The following TSNARE1 variants were observed in gnomAD, a reference collection of about 807,000 sequenced individuals.
The protein encoded by TSNARE1 is t-SNARE domain containing 1, also known as t-SNARE domain-containing protein 1.
A neutral mutation model predicts 62.0 loss-of-function variants in TSNARE1; 49 were observed. The ratio of observed to expected loss-of-function variants is 0.79; its 90% CI spans 0.63 to 1.00. The LOEUF is 1.00. TSNARE1 is among the 50% of genes least tolerant of loss of function. The pLI is 0.00. For missense variants in TSNARE1, 755 were observed against 700.1 expected, an observed-to-expected ratio of 1.08 and a Z score of -0.88; for synonymous variants, 328 against 294.4, an observed-to-expected ratio of 1.11 and a Z score of -1.17.
intron 6 of TSNARE1, among the ~76,000 whole-genome samples, chr8:142,321,214 C>T (rs181994812): frequency 7.9e-5 from 12 of 152,224 alleles, no homozygotes; most frequent in Admixed American, 3.3e-4. Context: ...CCATGATGCT[C>T]GTCCCAATAA....
intron 1 of TSNARE1, among the ~76,000 whole-genome samples, chr8:142,397,778 A>C (rs1163908163): frequency 6.6e-6 from 1 of 152,098 alleles, no homozygotes; most frequent in Non-Finnish European, 1.5e-5. Context: ...CAGTCCACTC[A>C]GCTGCGTGGC....
chr8:142,394,295 G>T (rs1837744442), intron 1 of TSNARE1, among the ~76,000 whole-genome samples: 1 of 152,242 alleles, frequency 6.6e-6, no homozygotes, highest in South Asian at 2.1e-4. Context: ...GAACCAGGGT[G>T]TGGGCACCCC....
intron 7 of TSNARE1, among the ~76,000 whole-genome samples, chr8:142,316,985 T>C (rs1001385375): frequency 1.3e-5 from 2 of 152,026 alleles, no homozygotes; most frequent in Admixed American, 6.6e-5. Context: ...AGAGCAACTA[T>C]GGGCAGCACC....
chr8:142,363,136 G>C (rs1476926825), intron 1 of TSNARE1, among the ~76,000 whole-genome samples: 1 of 152,178 alleles, frequency 6.6e-6, no homozygotes, highest in East Asian at 1.9e-4. Flanking sequence ...GGCTGTGTGA[G>C]GGCTGTGGCT....
chr8:142,307,716 G>A lies in TSNARE1; in HGVS notation c.1131+6668C>T, dbSNP rs376520095. On this transcript the variant is annotated intron_variant, in intron 9 of 13. Coordinates refer to ENST00000524325, the MANE Select transcript of TSNARE1 (RefSeq NM_145003.5). The stretch of plus-strand genomic sequence containing the variant: ...CCATGGATGTGAAACTCATGGATAC[G>A]AAGGGCCAACTGAATATGCATGTCT... Among the ~76,000 whole-genome samples, 180 of 152,296 alleles carry A rather than the reference G, an allele frequency of 1.2e-3. 1 individual carries two copies. Among genetic ancestry groups the A allele is most frequent in the African/African-American group, 4.1e-3 (169 of 41,558 alleles).
intron 12 of TSNARE1, chr8:142,274,323 G>A: frequency 1.0e-6 from 1 of 985,414 alleles, no homozygotes; most frequent in Non-Finnish European, 1.2e-6. Context: ...AGTCCTCAAG[G>A]TAGCTCCAAG....
intron 1 of TSNARE1, among the ~76,000 whole-genome samples, chr8:142,376,104 T>C (rs559379941): frequency 2.6e-4 from 39 of 152,352 alleles, no homozygotes; most frequent in African/African-American, 8.9e-4. Flanking sequence ...CTCCCTGACC[T>C]GCGTGCAACC....
chr8:142,350,883 C>T (rs1023691060), intron 2 of TSNARE1, among the ~76,000 whole-genome samples: 3 of 152,148 alleles, frequency 2.0e-5, no homozygotes, highest in Non-Finnish European at 4.4e-5. Flanking sequence ...GAAGGAGGAG[C>T]ATAGGTCAGC....
intron 8 of TSNARE1, 88 bp from the exon 9 acceptor site, chr8:142,314,528 T>C: frequency 8.6e-7 from 1 of 1,161,188 alleles, no homozygotes; most frequent in Non-Finnish European, 1.2e-6. Flanking sequence ...TGCAGGGCTC[T>C]GGACGACGGT....
chr8:142,233,886 A>G (rs4325022), intron 12 of TSNARE1, among the ~76,000 whole-genome samples: 81,004 of 151,938 alleles, frequency 0.53, 22,657 homozygotes, highest in African/African-American at 0.69. Flanking sequence ...GTACAGAACC[A>G]GCCACTGCAC....
chr8:142,313,534 T>C (rs1827994483), intron 9 of TSNARE1, among the ~76,000 whole-genome samples: 1 of 152,192 alleles, frequency 6.6e-6, no homozygotes, highest in South Asian at 2.1e-4. Context: ...TTTATCTGCA[T>C]GGGTCTGCAT....
At chr8:142,350,192 C>T (rs1446373406) in intron 2 of TSNARE1, among the ~76,000 whole-genome samples, 2 of 125,176 alleles carry the variant, frequency 1.6e-5, no homozygotes, top group South Asian at 5.6e-4. Context: ...GGGACCTCGG[C>T]AGGCAGGGCT....
chr8:142,341,231 A>T (rs1252108707), intron 4 of TSNARE1, among the ~76,000 whole-genome samples: 1 of 152,188 alleles, frequency 6.6e-6, no homozygotes, highest in African/African-American at 2.4e-5. Flanking sequence ...GGACATTGAG[A>T]GTGCCCTCAA....
intron 6 of TSNARE1, among the ~76,000 whole-genome samples, chr8:142,322,120 A>G (rs563280412): frequency 9.3e-4 from 141 of 152,380 alleles, no homozygotes; most frequent in African/African-American, 2.2e-3. Context: ...TGTAATTCTC[A>G]TATCAACAGA....
In TSNARE1 at chr8:142,274,686, AG is replaced by A. The variant is rs1008003389; in HGVS notation, c.1446+94del. 1.1e-5 allele frequency: 15 copies of A among 1,382,786 alleles called. 1 individual carries two copies. In the Admixed American group the frequency reaches 1.5e-4, roughly 14 times the overall value. The allele number at this position is 1,382,786 out of a possible 1,614,324, so 85.7% of individuals were successfully genotyped here. Reference sequence around the variant, plus strand: ...GGCATGCCCCTCCCAGGCACAGGGCAGGGCCTGGGCCCCTCCAGACAGACGG... The same window carrying A: ...GGCATGCCCCTCCCAGGCACAGGGCAGGCCTGGGCCCCTCCAGACAGACGG... On this transcript the variant is annotated intron_variant, in intron 12 of 13. Transcript: ENST00000524325.
chr8:142,302,925 C>T (rs1330382768), intron 9 of TSNARE1, among the ~76,000 whole-genome samples: 1 of 152,052 alleles, frequency 6.6e-6, no homozygotes, highest in Non-Finnish European at 1.5e-5. Context: ...GGAGGCAAGG[C>T]ACAGTGAAGG....
intron 6 of TSNARE1, among the ~76,000 whole-genome samples, chr8:142,320,066 C>A (rs987038198): frequency 6.6e-6 from 1 of 152,130 alleles, no homozygotes; most frequent in African/African-American, 2.4e-5. Context: ...TCCCACCAGT[C>A]CCCTCCTCAC....
chr8:142,340,059 C>T (rs113012509), intron 4 of TSNARE1, among the ~76,000 whole-genome samples: 4 of 152,128 alleles, frequency 2.6e-5, no homozygotes, highest in Non-Finnish European at 5.9e-5. Context: ...CAGCACAGGG[C>T]TGGGTTTGTG....
At chr8:142,391,188 T>G (rs867323648) in intron 1 of TSNARE1, among the ~76,000 whole-genome samples, 4 of 126,060 alleles carry the variant, frequency 3.2e-5, no homozygotes, top group East Asian at 2.4e-4. Context: ...TGTACACTGC[T>G]GGGGACTCTG....
Sources: gnomAD v4.1 joint callset for allele counts (sites outside exome capture counted in the v4.1 genomes callset) on GRCh38, gnomAD v4.1.1 for gene constraint, MANE v1.5 for transcripts, NCBI Gene and HGNC (gene_info 2026-07-23, HGNC 2026-07-21) for gene names.